The following SNPH variants were observed in gnomAD, a reference collection of about 807,000 sequenced individuals.
SNPH encodes the protein syntaphilin.
Under a neutral mutation model 36.8 loss-of-function variants are expected in SNPH, and 10 were observed. The ratio of observed to expected loss-of-function variants is 0.27; its 90% confidence interval spans 0.17 to 0.46. The LOEUF is 0.46. SNPH is among the 20% of genes least tolerant of loss of function. The pLI is 1.00. For synonymous variants in SNPH, 281 were observed against 312.2 expected, an observed-to-expected ratio of 0.90 and a Z score of 1.05; for missense variants, 622 against 744.0, an observed-to-expected ratio of 0.84 and a Z score of 1.91.
chr20:1,288,042 C>T (rs6104843), intron 2 of SNPH, among the ~76,000 whole-genome samples: 149 of 152,332 alleles, frequency 9.8e-4, no homozygotes, highest in African/African-American at 3.5e-3. Flanking sequence ...AGTGTTCCCC[C>T]TACTACTCCC....
At position 1,275,193 on chromosome 20, in the gene SNPH, G is replaced by A. The variant is rs542389122; in HGVS notation, c.-493+8433G>A. On this transcript the variant is annotated intron_variant, in intron 2 of 6. Coordinates refer to ENST00000381867, the MANE Select transcript of SNPH (RefSeq NM_001318234.2). Reference sequence around the variant, plus strand: ...TGGCTCATTTCCAGTTCTGCCACTTGTTAGCCTGGGACTTCAGACAAATTG... The same window carrying A: ...TGGCTCATTTCCAGTTCTGCCACTTATTAGCCTGGGACTTCAGACAAATTG... Among the ~76,000 whole-genome samples, 13 of 152,296 alleles carry A rather than the reference G, an allele frequency of 8.5e-5. No homozygotes were observed. The East Asian group carries it at 2.5e-3, about 29-fold the overall frequency.
At chr20:1,277,587 TC>T in intron 2 of SNPH, among the ~76,000 whole-genome samples, 1 of 143,054 alleles carries the variant, frequency 7.0e-6, no homozygotes, top group Non-Finnish European at 1.5e-5. Context: ...TGTGTGTGTG[TC>T]AGTGTCTGTC....
intron 2 of SNPH, among the ~76,000 whole-genome samples, chr20:1,274,213 A>C (rs2088105015): frequency 6.6e-6 from 1 of 152,160 alleles, no homozygotes; most frequent in African/African-American, 2.4e-5. Flanking sequence ...ACAGGATAGC[A>C]GTTTTCAGGG....
At chr20:1,286,288 C>G (rs1366254082) in intron 2 of SNPH, among the ~76,000 whole-genome samples, 1 of 152,160 alleles carries the variant, frequency 6.6e-6, no homozygotes, top group East Asian at 1.9e-4. Flanking sequence ...GTGAGCCACA[C>G]TGGGCATTGT....
intron 2 of SNPH, among the ~76,000 whole-genome samples, chr20:1,288,619 CTTTTTTTCT>C (rs2088312115): frequency 7.1e-6 from 1 of 140,784 alleles, no homozygotes; most frequent in Admixed American, 7.1e-5. Context: ...ATTTCTTTTT[CTTTTTTTCT>C]TTTTTTTTTT....
chr20:1,272,809 C>G (rs950248961), intron 2 of SNPH, among the ~76,000 whole-genome samples: 2 of 152,240 alleles, frequency 1.3e-5, no homozygotes, highest in South Asian at 2.1e-4. Context: ...GCTTCTGGCT[C>G]CCCCAGCTTC....
chr20:1,289,642 T>C (rs980268438), intron 2 of SNPH, among the ~76,000 whole-genome samples: 9 of 147,436 alleles, frequency 6.1e-5, no homozygotes, highest in African/African-American at 2.3e-4. Context: ...GCCAGGAGAT[T>C]GAGACCACCA....
Position 1,305,682 on chromosome 20 carries a change from T to C in SNPH, c.1245T>C (p.Asp415=), listed in dbSNP as rs903684211. ...CAGCAGTGGTGGTGACAGTGGGTGA[T>C]GAGCTAGAGGCCCCAGAGCCCATCA... ...PNSAVVVTVG[D]ELEAPEPITR... Residue 415 remains aspartate, a synonymous_variant, in exon 7 of 7, where the codon GAT becomes GAC. Coordinates refer to ENST00000381867, the MANE Select transcript of SNPH (RefSeq NM_001318234.2). The C allele has an allele frequency of 2.5e-6, 4 of 1,611,422 alleles. No homozygotes were observed. The highest frequency in any genetic ancestry group is 3.4e-6 in the Non-Finnish European group (4 of 1,178,964).
chr20:1,271,277 G>A (rs2088070189), intron 2 of SNPH, among the ~76,000 whole-genome samples: 1 of 152,164 alleles, frequency 6.6e-6, no homozygotes, highest in African/African-American at 2.4e-5. Flanking sequence ...GGAGTCAGAG[G>A]TGATGATATC....
intron 2 of SNPH, among the ~76,000 whole-genome samples, chr20:1,272,263 C>T (rs2088081406): frequency 6.6e-6 from 1 of 152,170 alleles, no homozygotes; most frequent in Non-Finnish European, 1.5e-5. Context: ...GCTTCTGTTT[C>T]CTCACCTGTA....
intron 2 of SNPH, among the ~76,000 whole-genome samples, chr20:1,267,251 A>G (rs1025420198): frequency 2.0e-5 from 3 of 151,436 alleles, no homozygotes; most frequent in African/African-American, 7.3e-5. Flanking sequence ...CATAAGTCCT[A>G]GAGTGGACGA....
chr20:1,305,652 C>G lies in SNPH; in HGVS notation c.1215C>G (p.Pro405=), dbSNP rs1300441950. The G allele has an allele frequency of 4.3e-6, 7 of 1,613,074 alleles. No individual in the cohort carries two copies. The African/African-American group carries it at 5.3e-5, about 12-fold the overall frequency. The change falls in exon 7 of 7, where the codon CCC becomes CCG. Residue 405 remains proline, a synonymous_variant. Coordinates refer to ENST00000381867, the MANE Select transcript of SNPH (RefSeq NM_001318234.2). ...CCCACCCTTCAGGGCCCAGAGACCCCAACTCAGCAGTGGTGGTGACAGTGG... is the reference window on the plus strand; with the variant it reads ...CCCACCCTTCAGGGCCCAGAGACCCGAACTCAGCAGTGGTGGTGACAGTGG... ...LDAHPSGPRD[P]NSAVVVTVGD...
intron 2 of SNPH, among the ~76,000 whole-genome samples, chr20:1,273,812 T>C (rs1172145362): frequency 6.6e-6 from 1 of 152,122 alleles, no homozygotes; most frequent in Non-Finnish European, 1.5e-5. Flanking sequence ...AGTCAACCAA[T>C]CCGGGCCCAC....
chr20:1,276,785 G>A lies in SNPH; in HGVS notation c.-493+10025G>A, dbSNP rs1027993538. On this transcript the variant is annotated intron_variant, in intron 2 of 6. Coordinates refer to ENST00000381867, the MANE Select transcript of SNPH (RefSeq NM_001318234.2). This position sits in a 1 kb window ranked among gnomAD's most constrained non-coding sequence, Gnocchi z 4.6. ...CACTGGAGGTATTCAAACTGGGTCC[G>A]GGTGACTGCAGAACAGGAATGTTAT... Among the ~76,000 whole-genome samples the A allele has an allele frequency of 6.6e-6, 1 of 152,164 alleles. No homozygotes were observed. The highest frequency in any genetic ancestry group is 1.5e-5 in the Non-Finnish European group (1 of 68,024).
rs563444973 is a variant in SNPH, at chr20:1,303,496, G to A, written c.441-1382G>A. On this transcript the variant is annotated intron_variant, in intron 6 of 6. Transcript: ENST00000381867. ...AGGCCAAAAGGGTTACCTAGAGTGGGCCCCCCACCTGGAGGCAGGAAGGGT... is the reference window on the plus strand; with the variant it reads ...AGGCCAAAAGGGTTACCTAGAGTGGACCCCCCACCTGGAGGCAGGAAGGGT... 5.3e-5 allele frequency among the ~76,000 whole-genome samples: 8 copies of A among 152,268 alleles called. No homozygotes were observed. In the East Asian group the frequency reaches 1.5e-3, roughly 29 times the overall value.
intron 3 of SNPH, among the ~76,000 whole-genome samples, 167 bp downstream of exon 3, chr20:1,295,145 C>G (rs371823571): frequency 8.2e-4 from 125 of 152,276 alleles, no homozygotes; most frequent in African/African-American, 2.4e-3. Context: ...ACTGAGGTCT[C>G]TGGAGCTGGC....
intron 2 of SNPH, among the ~76,000 whole-genome samples, chr20:1,289,626 C>T (rs777120835): frequency 1.3e-5 from 2 of 150,490 alleles, no homozygotes; most frequent in East Asian, 2.0e-4. Flanking sequence ...TGGTGGATGG[C>T]TTGAGGCCAG....
intron 2 of SNPH, among the ~76,000 whole-genome samples, chr20:1,288,832 G>A (rs985553104): frequency 6.6e-6 from 1 of 152,080 alleles, no homozygotes; most frequent in Non-Finnish European, 1.5e-5. Context: ...ATGTTGGCCA[G>A]GCTGGTCTTG....
At chr20:1,288,150 T>C (rs1035603998) in intron 2 of SNPH, among the ~76,000 whole-genome samples, 4 of 152,226 alleles carry the variant, frequency 2.6e-5, no homozygotes, top group African/African-American at 9.6e-5. Context: ...CACTCATGCC[T>C]GGGCCTGCTG....
Sources: gnomAD v4.1 joint callset for allele counts (sites outside exome capture counted in the v4.1 genomes callset) on GRCh38, gnomAD v4.1.1 for gene constraint, Gnocchi (gnomAD v3.1) non-coding constraint, MANE v1.5 for transcripts, NCBI Gene and HGNC (gene_info 2026-07-23, HGNC 2026-07-21) for gene names.